C10orf90: variants seen among roughly 807,000 people sequenced by gnomAD.
C10orf90 encodes the protein (E2-independent) E3 ubiquitin-conjugating enzyme FATS.
In C10orf90, 56 loss-of-function variants were observed where a neutral mutation model predicts 62.5. That is an observed-to-expected ratio of 0.90 (90% CI 0.72 to 1.12). C10orf90 has a LOEUF of 1.12. C10orf90 is among the 50% of genes most tolerant of loss of function. The pLI is 0.00. For missense variants in C10orf90, 970 were observed against 880.4 expected (o/e 1.10, Z -1.29); for synonymous variants, 386 against 340.4 (o/e 1.13, Z -1.47).
intron 1 of C10orf90, among the ~76,000 whole-genome samples, chr10:126,657,442 G>A (rs1846416765): frequency 6.6e-6 from 1 of 152,008 alleles, no homozygotes; most frequent in Non-Finnish European, 1.5e-5. Context: ...ATTTCATTTG[G>A]CATCATATCC....
chr10:126,470,202 C>T, intron 4 of C10orf90: 1 of 388,802 alleles, frequency 2.6e-6, no homozygotes. Flanking sequence ...TTGCATGCTG[C>T]AGAGGAGGAG....
At chr10:126,656,030 C>T (rs563620800) in intron 1 of C10orf90, among the ~76,000 whole-genome samples, 1 of 152,004 alleles carries the variant, frequency 6.6e-6, no homozygotes, top group African/African-American at 2.4e-5. Flanking sequence ...GACTTTCACA[C>T]CTTCTCAGAA....
At chr10:126,545,431 A>T (rs1457285712) in intron 2 of C10orf90, among the ~76,000 whole-genome samples, 1 of 151,402 alleles carries the variant, frequency 6.6e-6, no homozygotes, top group Non-Finnish European at 1.5e-5. Context: ...CAAGTGAATG[A>T]TACAAATCCT....
intron 4 of C10orf90, among the ~76,000 whole-genome samples, chr10:126,491,135 T>C (rs1163584280): frequency 6.6e-6 from 1 of 152,170 alleles, no homozygotes; most frequent in East Asian, 1.9e-4. Flanking sequence ...ATCTCTATAA[T>C]GAAAACTACA....
At chr10:126,589,905 G>A (rs576218157) in intron 2 of C10orf90, among the ~76,000 whole-genome samples, 2 of 152,182 alleles carry the variant, frequency 1.3e-5, no homozygotes, top group East Asian at 1.9e-4. Flanking sequence ...ACACAGAATG[G>A]CAAGATTGAT....
chr10:126,623,066 C>T (rs544934130), intron 2 of C10orf90, among the ~76,000 whole-genome samples: 61 of 152,254 alleles, frequency 4.0e-4, no homozygotes, highest in Non-Finnish European at 7.4e-4. Flanking sequence ...CCTCGGGCCC[C>T]GACCCTGCCT....
intron 2 of C10orf90, among the ~76,000 whole-genome samples, chr10:126,638,240 C>T (rs1446532887): frequency 6.6e-6 from 1 of 152,108 alleles, no homozygotes; most frequent in East Asian, 1.9e-4. Flanking sequence ...TCTGCCCGAT[C>T]CTGGGACCTC....
intron 2 of C10orf90, among the ~76,000 whole-genome samples, chr10:126,549,202 T>C (rs1864572289): frequency 6.6e-6 from 1 of 152,184 alleles, no homozygotes; most frequent in East Asian, 1.9e-4. Context: ...ATGAAAGACC[T>C]TGTTCAGAAG....
At chr10:126,668,986 G>A (rs1296142741) in intron 1 of C10orf90, among the ~76,000 whole-genome samples, 2 of 148,784 alleles carry the variant, frequency 1.3e-5, no homozygotes, top group Admixed American at 1.3e-4. Context: ...GCTACATAGG[G>A]TTTAAAATGA....
intron 1 of C10orf90, among the ~76,000 whole-genome samples, chr10:126,663,559 T>C (rs1846562129): frequency 6.6e-6 from 1 of 152,180 alleles, no homozygotes; most frequent in Non-Finnish European, 1.5e-5. Context: ...CCGCCTCTTT[T>C]GTTCCATCTC....
At position 126,613,104 on chromosome 10, in the gene C10orf90, C is replaced by A. The variant is rs116665996; in HGVS notation, c.313+33461G>T. ...TTGAAAGGGAGGCAAATACCTCTTA[C>A]AATTTGTATATGATATTAAAGGGCT... On this transcript the variant is annotated intron_variant, in intron 2 of 9. Transcript: ENST00000488181. 3.6e-3 allele frequency among the ~76,000 whole-genome samples: 545 copies of A among 152,226 alleles called. 3 individuals are homozygous for A. Among genetic ancestry groups the A allele is most frequent in the African/African-American group, 0.012 (510 of 41,524 alleles).
chr10:126,501,438 A>G (rs1862373674), intron 4 of C10orf90, among the ~76,000 whole-genome samples: 1 of 152,176 alleles, frequency 6.6e-6, no homozygotes, highest in Non-Finnish European at 1.5e-5. Context: ...ATCCGAGGCA[A>G]GTGCCCCACA....
At chr10:126,588,934 A>G (rs1461452668) in intron 2 of C10orf90, among the ~76,000 whole-genome samples, 1 of 152,232 alleles carries the variant, frequency 6.6e-6, no homozygotes, top group African/African-American at 2.4e-5. Context: ...GTTGTAACCC[A>G]AATGCAAAGA....
chr10:126,532,862 G>GAAAAAAAAAAAA lies in C10orf90; in HGVS notation c.314-18924_314-18923insTTTTTTTTTTTT, dbSNP rs1564860259. On this transcript the variant is annotated intron_variant, in intron 2 of 9. Transcript: ENST00000488181. Reference sequence around the variant, plus strand: ...CGTCTCAAAAAAAAAAAAAAATAGTGAGCACAAAACAAGTGTTTTCAAAAA... The same window carrying GAAAAAAAAAAAA: ...CGTCTCAAAAAAAAAAAAAAATAGTGAAAAAAAAAAAAAGCACAAAACAAGTGTTTTCAAAAA... Among the ~76,000 whole-genome samples, 6 of 22,128 alleles carry GAAAAAAAAAAAA rather than the reference G, an allele frequency of 2.7e-4. 1 individual carries two copies. The highest frequency in any genetic ancestry group is 1.5e-3 in the Admixed American group (2 of 1,360). The allele number at this position is 22,128 out of a possible 152,430, so 14.5% of individuals were successfully genotyped here.
chr10:126,506,928 G>A (rs2133895263), intron 3 of C10orf90, among the ~76,000 whole-genome samples: 1 of 152,078 alleles, frequency 6.6e-6, no homozygotes, highest in Admixed American at 6.6e-5. Flanking sequence ...CAGTGTGTGT[G>A]TGTGTGTGTG....
At chr10:126,588,808 T>A (rs1844925236) in intron 2 of C10orf90, among the ~76,000 whole-genome samples, 1 of 152,136 alleles carries the variant, frequency 6.6e-6, no homozygotes, top group African/African-American at 2.4e-5. Context: ...CTCCTCCAAT[T>A]GACTGCAACA....
At chr10:126,523,115 T>G (rs777040755) in intron 2 of C10orf90, among the ~76,000 whole-genome samples, 20 of 152,242 alleles carry the variant, frequency 1.3e-4, no homozygotes, top group Non-Finnish European at 2.5e-4. Context: ...TAAAAGCCTA[T>G]TCTACTGAAT....
At chr10:126,612,354 C>T (rs977120330) in intron 2 of C10orf90, among the ~76,000 whole-genome samples, 2 of 152,110 alleles carry the variant, frequency 1.3e-5, no homozygotes, top group African/African-American at 2.4e-5. Flanking sequence ...TCAAAAGTCA[C>T]ATGCAGCCAG....
intron 2 of C10orf90, among the ~76,000 whole-genome samples, chr10:126,522,333 A>G (rs1345512594): frequency 6.6e-6 from 1 of 152,210 alleles, no homozygotes; most frequent in Non-Finnish European, 1.5e-5. Context: ...CTACAGGGTG[A>G]GTTCCCCACT....
Sources: allele counts gnomAD v4.1 joint callset (sites outside exome capture counted in the v4.1 genomes callset), GRCh38; gene constraint gnomAD v4.1.1; transcripts MANE v1.5; gene names NCBI Gene and HGNC (gene_info 2026-07-23, HGNC 2026-07-21).